ZNF679: variants seen among roughly 807,000 people sequenced by gnomAD.
ZNF679 encodes the protein hypothetical protein MGC42415.
A neutral mutation model predicts 13.4 loss-of-function variants in ZNF679; 10 were observed. The observed-to-expected ratio is 0.75, with a 90% confidence interval of 0.46 to 1.27. ZNF679 has a LOEUF of 1.27. ZNF679 is among the 50% of genes most tolerant of loss of function. The pLI, the probability that ZNF679 is intolerant of heterozygous loss-of-function variation, is 0.00. For missense variants in ZNF679, 525 were observed against 477.8 expected, an observed-to-expected ratio of 1.10 and a Z score of -0.92; for synonymous variants, 179 against 162.5, an observed-to-expected ratio of 1.10 and a Z score of -0.77.
chr7:64,254,373 T>C (rs993064170), intron 2 of ZNF679, among the ~76,000 whole-genome samples: 1 of 152,050 alleles, frequency 6.6e-6, no homozygotes, highest in African/African-American at 2.4e-5. Context: ...TGCCTCAGCC[T>C]CCCAAAGTGC....
chr7:64,250,219 G>C (rs1481036987), intron 2 of ZNF679, among the ~76,000 whole-genome samples: 1 of 149,210 alleles, frequency 6.7e-6, no homozygotes, highest in Non-Finnish European at 1.5e-5. Context: ...CTAATTGCCT[G>C]CTGTTTAAAT....
chr7:64,261,482 T>C (rs1788076671), intron 4 of ZNF679, among the ~76,000 whole-genome samples: 1 of 152,124 alleles, frequency 6.6e-6, no homozygotes, highest in African/African-American at 2.4e-5. Flanking sequence ...TGGGGGGATA[T>C]ACAAGCAGGA....
At chr7:64,243,934 A>C (rs1363283236) in intron 1 of ZNF679, among the ~76,000 whole-genome samples, 1 of 152,100 alleles carries the variant, frequency 6.6e-6, no homozygotes, top group Non-Finnish European at 1.5e-5. Context: ...AGGCTGTTAG[A>C]GCTTGAATAT....
At chr7:64,231,602 G>A (rs570686528) in intron 1 of ZNF679, among the ~76,000 whole-genome samples, 8 of 152,314 alleles carry the variant, frequency 5.3e-5, no homozygotes, top group African/African-American at 1.7e-4. Context: ...GCCCAGCTGG[G>A]AGTGTAGAGT....
At chr7:64,245,761 C>T (rs1029384223) in intron 1 of ZNF679, among the ~76,000 whole-genome samples, 1 of 152,242 alleles carries the variant, frequency 6.6e-6, no homozygotes, top group African/African-American at 2.4e-5. Context: ...AATTCCAGTA[C>T]CTCGGGAGGC....
At chr7:64,237,734 T>A (rs1787746152) in intron 1 of ZNF679, among the ~76,000 whole-genome samples, 1 of 152,188 alleles carries the variant, frequency 6.6e-6, no homozygotes, top group Admixed American at 6.5e-5. Context: ...ACGGGCACCA[T>A]GGGCCCATCT....
rs72503352 is a variant in ZNF679, at chr7:64,262,449, T to C, written c.262+1520T>C. Among the ~76,000 whole-genome samples the C allele has an allele frequency of 1.6e-3, 248 of 152,348 alleles. 11 individuals are homozygous for C. In the East Asian group the frequency reaches 0.043, roughly 27 times the overall value. The stretch of plus-strand genomic sequence containing the variant: ...CCACTATATTTTTTTTCTAAGAATT[T>C]CGTTAGTTTTTTTCCAAAGTATTTT... On this transcript the variant is annotated intron_variant, in intron 4 of 4. Transcript: ENST00000421025.
At chr7:64,237,987 T>C (rs1221063157) in intron 1 of ZNF679, among the ~76,000 whole-genome samples, 1 of 152,194 alleles carries the variant, frequency 6.6e-6, no homozygotes, top group African/African-American at 2.4e-5. Context: ...TGCTTTGTGT[T>C]CTGTAAGAAC....
chr7:64,266,558 T>G lies in ZNF679; in HGVS notation c.925T>G (p.Ser309Ala). Residue 309 changes from serine (S) to alanine (A), a missense_variant, in exon 5 of 5, where the codon TCA (serine) becomes GCA (alanine). Coordinates refer to ENST00000421025, the MANE Select transcript of ZNF679 (RefSeq NM_153363.3). ...EECGKAFSLS[S>A]SLTYHKRIHT... ...ATGTGGCAAAGCCTTTAGCTTATCCTCATCCCTCACTTACCACAAGAGAAT... is the reference window on the plus strand; with the variant it reads ...ATGTGGCAAAGCCTTTAGCTTATCCGCATCCCTCACTTACCACAAGAGAAT... 6.2e-7 allele frequency: 1 copy of G among 1,612,524 alleles called. No homozygotes were observed. The highest frequency in any genetic ancestry group is 8.5e-7 in the Non-Finnish European group (1 of 1,178,784).
intron 1 of ZNF679, among the ~76,000 whole-genome samples, chr7:64,235,643 G>A (rs1297224728): frequency 6.6e-6 from 1 of 151,972 alleles, no homozygotes; most frequent in Non-Finnish European, 1.5e-5. Context: ...ACAAAAATTA[G>A]CCAGGCACGG....
intron 1 of ZNF679, among the ~76,000 whole-genome samples, chr7:64,235,218 A>G (rs1787692306): frequency 6.6e-6 from 1 of 152,130 alleles, no homozygotes; most frequent in Non-Finnish European, 1.5e-5. Context: ...AAATATGTGG[A>G]TAGTAAACAA....
intron 2 of ZNF679, among the ~76,000 whole-genome samples, chr7:64,250,504 A>G (rs888296723): frequency 3.9e-5 from 6 of 151,912 alleles, no homozygotes; most frequent in African/African-American, 7.3e-5. Context: ...TCCTGGCCTC[A>G]AGTGATCTGG....
At chr7:64,240,614 G>A (rs910814306) in intron 1 of ZNF679, among the ~76,000 whole-genome samples, 18 of 152,250 alleles carry the variant, frequency 1.2e-4, no homozygotes, top group South Asian at 4.1e-4. Context: ...GGTCACTGGC[G>A]AGGTCCTAAA....
At chr7:64,228,929 T>G (rs894203604) in intron 1 of ZNF679, among the ~76,000 whole-genome samples, 5 of 152,190 alleles carry the variant, frequency 3.3e-5, no homozygotes, top group African/African-American at 1.2e-4. Flanking sequence ...GTTGGCTAGG[T>G]ATGCATAGGA....
chr7:64,235,738 G>C (rs1006367549), intron 1 of ZNF679, among the ~76,000 whole-genome samples: 2 of 151,574 alleles, frequency 1.3e-5, no homozygotes, highest in African/African-American at 4.9e-5. Flanking sequence ...GCCATGAGCC[G>C]AGATCATGCC....
At position 64,260,871 on chromosome 7, in the gene ZNF679, G is replaced by C. The variant is rs774699591; in HGVS notation, c.204G>C (p.Leu68=). Residue 68 remains leucine, a synonymous_variant, in exon 4 of 5, where the codon CTG becomes CTC. Transcript: ENST00000421025. ...AVSKPDLITC[L]EQNKEPWNIK... ...CTAAGCCAGACTTGATCACCTGTCT[G>C]GAGCAAAATAAAGAGCCTTGGAATA... 1.2e-5 allele frequency: 20 copies of C among 1,611,450 alleles called. No individual in the cohort carries two copies. The South Asian group carries it at 1.7e-4, about 13-fold the overall frequency.
In ZNF679 at chr7:64,266,697, A is replaced by G; in HGVS notation, c.1064A>G (p.Lys355Arg). Residue 355 changes from lysine to arginine, a missense_variant, in exon 5 of 5, where the codon AAA (lysine) becomes AGA (arginine). By Grantham distance (26) the Lys-to-Arg change is conservative. Coordinates refer to ENST00000421025, the MANE Select transcript of ZNF679 (RefSeq NM_153363.3). ...IHTGEKPYKC[K>R]ECGKAFAFSS... ...ACTGGAGAGAAACCCTACAAATGTAAAGAATGTGGGAAAGCCTTTGCCTTC... is the reference window on the plus strand; with the variant it reads ...ACTGGAGAGAAACCCTACAAATGTAGAGAATGTGGGAAAGCCTTTGCCTTC... The G allele has an allele frequency of 6.2e-7, 1 of 1,613,472 alleles. No homozygotes were observed. The highest frequency in any genetic ancestry group is 8.5e-7 in the Non-Finnish European group (1 of 1,179,702).
At chr7:64,236,973 G>GAAAGAAAGAA (rs1562840358) in intron 1 of ZNF679, among the ~76,000 whole-genome samples, 1 of 53,640 alleles carries the variant, frequency 1.9e-5, no homozygotes, top group Non-Finnish European at 7.1e-5. Context: ...AAGAAAGAAA[G>GAAAGAAAGAA]AAAAAGAAAG....
chr7:64,249,196 C>A (rs958109320), intron 2 of ZNF679, 40 bp downstream of exon 2: 11 of 1,611,546 alleles, frequency 6.8e-6, no homozygotes, highest in Admixed American at 1.7e-5. Context: ...GGGGTGAGGG[C>A]TGGTTGGAAC....
Sources: allele counts gnomAD v4.1 joint callset (sites outside exome capture counted in the v4.1 genomes callset), GRCh38; gene constraint gnomAD v4.1.1; transcripts MANE v1.5; gene names NCBI Gene and HGNC (gene_info 2026-07-23, HGNC 2026-07-21).